TMPRSS4: variants seen among roughly 807,000 people sequenced by gnomAD.
TMPRSS4 encodes transmembrane serine protease 4.
In TMPRSS4, 45 loss-of-function variants were observed where a neutral mutation model predicts 56.4. The ratio of observed to expected loss-of-function variants is 0.80; its 90% CI spans 0.63 to 1.02. The LOEUF is 1.02. Among genes scored for constraint, TMPRSS4 ranks in the 50% least tolerant of loss-of-function variants. The probability of loss-of-function intolerance (pLI) is 0.00; values close to 1 mark genes in which losing one functional copy is unlikely to be tolerated. For missense variants in TMPRSS4, 546 were observed against 556.7 expected (o/e 0.98, Z 0.19); for synonymous variants, 205 against 211.0 (o/e 0.97, Z 0.25).
chr11:118,117,198 C>A, intron 11 of TMPRSS4, 107 bp from the exon 12 acceptor site: 1 of 1,097,382 alleles, frequency 9.1e-7, no homozygotes, highest in Non-Finnish European at 1.4e-6. Flanking sequence ...TATCGGAGAG[C>A]AGCAGGGAGT....
In TMPRSS4 at chr11:118,119,780, C is replaced by G. The variant is rs913581686; in HGVS notation, c.*1867C>G. 2.6e-5 allele frequency: 4 copies of G among 152,236 alleles called. No homozygotes were observed. The highest frequency in any genetic ancestry group is 9.6e-5 in the African/African-American group (4 of 41,520). 9.4% of individuals were successfully genotyped at this position (152,236 alleles called of 1,614,324 possible). A position where few individuals can be genotyped will look rare whatever the true frequency, so the allele number is the denominator to read the frequency against. ...TGCTGTAAACTACCACACTATAGGG[C>G]CTCCAATATGATAATTTATAAAATA... On this transcript the variant is annotated 3_prime_UTR_variant, in exon 13 of 13. Coordinates refer to ENST00000437212, the MANE Select transcript of TMPRSS4 (RefSeq NM_019894.4).
intron 1 of TMPRSS4, among the ~76,000 whole-genome samples, chr11:118,091,324 G>C (rs982603443): frequency 6.6e-6 from 1 of 151,876 alleles, no homozygotes; most frequent in African/African-American, 2.4e-5. Context: ...TTCCCACTTG[G>C]CTCCTTCTTG....
At position 118,119,375 on chromosome 11, in the gene TMPRSS4, C is replaced by T; in HGVS notation, c.*1462C>T. Reference sequence around the variant, plus strand: ...TTGCAGATGGTCTGGAGGAAAATTTCCCAAATTTAGAGCCTCAGGATTCCC... The same window carrying T: ...TTGCAGATGGTCTGGAGGAAAATTTTCCAAATTTAGAGCCTCAGGATTCCC... On this transcript the variant is annotated 3_prime_UTR_variant, in exon 13 of 13. Coordinates refer to ENST00000437212, the MANE Select transcript of TMPRSS4 (RefSeq NM_019894.4). 3.0e-6 allele frequency: 3 copies of T among 985,116 alleles called. No homozygotes were observed. The highest frequency in any genetic ancestry group is 3.6e-6 in the Non-Finnish European group (3 of 829,722). 61.0% of individuals were successfully genotyped at this position (985,116 alleles called of 1,614,324 possible).
At chr11:118,080,969 C>T in intron 1 of TMPRSS4, among the ~76,000 whole-genome samples, 1 of 152,180 alleles carries the variant, frequency 6.6e-6, no homozygotes, top group East Asian at 1.9e-4. Context: ...AATCATCTAC[C>T]ACATTTTCTT....
intron 7 of TMPRSS4, 89 bp downstream of exon 7, chr11:118,108,985 A>T (rs1947140826): frequency 1.4e-6 from 2 of 1,457,630 alleles, no homozygotes; most frequent in African/African-American, 2.8e-5. Flanking sequence ...AATTTCTGGG[A>T]CTCCAAGTTT....
rs1161153191 is a variant in TMPRSS4, at chr11:118,118,988, C to T, written c.*1075C>T. 1 of 985,266 alleles carries T rather than the reference C, an allele frequency of 1.0e-6. No homozygotes were observed. The highest frequency in any genetic ancestry group is 1.2e-6 in the Non-Finnish European group (1 of 829,942). 61.0% of individuals were successfully genotyped at this position (985,266 alleles called of 1,614,324 possible). ...TGGTCAAAGAATTAAACCCCATGGA[C>T]TTTTTTGGCATCTGTATGAAAGCTT... On this transcript the variant is annotated 3_prime_UTR_variant, in exon 13 of 13. Coordinates refer to ENST00000437212, the MANE Select transcript of TMPRSS4 (RefSeq NM_019894.4).
At chr11:118,115,325 G>A (rs373355990) in intron 11 of TMPRSS4, 45 bp downstream of exon 11, 1 of 1,593,030 alleles carries the variant, frequency 6.3e-7, no homozygotes, top group Admixed American at 1.8e-5. Context: ...ATAGGGTTTA[G>A]GTCCTAGAGA....
intron 1 of TMPRSS4, among the ~76,000 whole-genome samples, chr11:118,085,260 G>C (rs1436624408): frequency 7.0e-6 from 1 of 142,554 alleles, no homozygotes; most frequent in African/African-American, 2.6e-5. Context: ...GTCTAACACT[G>C]TTGCCCTGGC....
chr11:118,111,862 G>A lies in TMPRSS4; in HGVS notation c.705G>A (p.Leu235=), dbSNP rs1250794535. 11 of 1,609,776 alleles carry A rather than the reference G, an allele frequency of 6.8e-6. No homozygotes were observed. Among genetic ancestry groups the A allele is most frequent in the Non-Finnish European group, 9.3e-6 (11 of 1,178,240 alleles). ...DKQHVCGGSI[L]DPHWVLTAAH... is the part of the protein sequence containing the mutation. ...AGCACGTCTGTGGAGGGAGCATCCTGGACCCCCACTGGGTCCTCACGGCAG... is the reference window on the plus strand; with the variant it reads ...AGCACGTCTGTGGAGGGAGCATCCTAGACCCCCACTGGGTCCTCACGGCAG... The change falls in exon 8 of 13, where the codon CTG becomes CTA. Residue 235 remains leucine, a synonymous_variant. Coordinates refer to ENST00000437212, the MANE Select transcript of TMPRSS4 (RefSeq NM_019894.4).
chr11:118,116,466 A>G (rs1947554990), intron 11 of TMPRSS4, among the ~76,000 whole-genome samples: 3 of 152,220 alleles, frequency 2.0e-5, no homozygotes, highest in African/African-American at 7.2e-5. Flanking sequence ...AGGAAGCCCC[A>G]GGGGCTAAAA....
intron 5 of TMPRSS4, 129 bp downstream of exon 5, chr11:118,104,949 C>A: frequency 1.0e-6 from 1 of 988,278 alleles, no homozygotes; most frequent in Non-Finnish European, 1.4e-6. Flanking sequence ...GCTTTTGAAT[C>A]CCAGCATTTC....
chr11:118,077,630 T>C (rs1331525463), intron 1 of TMPRSS4, among the ~76,000 whole-genome samples: 1 of 152,194 alleles, frequency 6.6e-6, no homozygotes, highest in Non-Finnish European at 1.5e-5. Flanking sequence ...GGTTAGAGGT[T>C]GGCACTATTT....
chr11:118,082,088 A>G (rs1184728149), intron 1 of TMPRSS4, among the ~76,000 whole-genome samples: 4 of 152,198 alleles, frequency 2.6e-5, no homozygotes, highest in Non-Finnish European at 5.9e-5. Flanking sequence ...ACCTGTCCGG[A>G]CACGTAGGAG....
intron 1 of TMPRSS4, among the ~76,000 whole-genome samples, chr11:118,079,097 A>G (rs1944925781): frequency 2.0e-5 from 3 of 152,062 alleles, no homozygotes; most frequent in African/African-American, 4.8e-5. Flanking sequence ...GGGTCAGGTC[A>G]GGCCTGGGGC....
At chr11:118,086,256 G>A (rs4938479) in intron 1 of TMPRSS4, among the ~76,000 whole-genome samples, 55,679 of 152,138 alleles carry the variant, frequency 0.37, 10,491 homozygotes, top group South Asian at 0.54. Context: ...GATGGGAGCT[G>A]AACAGCAGGC....
chr11:118,104,393 T>C (rs1412476222), intron 4 of TMPRSS4, among the ~76,000 whole-genome samples: 1 of 151,916 alleles, frequency 6.6e-6, no homozygotes, highest in African/African-American at 2.4e-5. Context: ...ACCACATAAT[T>C]GATCATCAAA....
chr11:118,083,279 G>C (rs182095724), intron 1 of TMPRSS4, among the ~76,000 whole-genome samples: 2 of 152,148 alleles, frequency 1.3e-5, no homozygotes, highest in African/African-American at 4.8e-5. Context: ...TTTCTCAGAC[G>C]GCCACACACA....
At position 118,099,024 on chromosome 11, in the gene TMPRSS4, C is replaced by G; in HGVS notation, c.83C>G (p.Thr28Ser). 1 of 1,613,968 alleles carries G rather than the reference C, an allele frequency of 6.2e-7. No homozygotes were observed. The highest frequency in any genetic ancestry group is 8.5e-7 in the Non-Finnish European group (1 of 1,179,952). Residue 28 changes from threonine (T) to serine (S), a missense_variant, in exon 3 of 13, where the codon ACC (threonine) becomes AGC (serine). Coordinates refer to ENST00000437212, the MANE Select transcript of TMPRSS4 (RefSeq NM_019894.4). ...PLRKPRIPME[T>S]FRKVGIPIII... ...CGCAAACCCCGTATCCCCATGGAGACCTTCAGAAAGGTGGGGATCCCCATC... is the reference window on the plus strand; with the variant it reads ...CGCAAACCCCGTATCCCCATGGAGAGCTTCAGAAAGGTGGGGATCCCCATC...
At chr11:118,108,920 G>T (rs769224349) in intron 7 of TMPRSS4, 24 bp downstream of exon 7, 1 of 1,613,108 alleles carries the variant, frequency 6.2e-7, no homozygotes, top group South Asian at 1.1e-5. Context: ...ATCTCTGAGG[G>T]TTTGGGGCCT....
Sources: allele counts gnomAD v4.1 joint callset (sites outside exome capture counted in the v4.1 genomes callset), GRCh38; gene constraint gnomAD v4.1.1; transcripts MANE v1.5; gene names NCBI Gene and HGNC (gene_info 2026-07-23, HGNC 2026-07-21).